ARL6IP6: variants seen among roughly 807,000 people sequenced by gnomAD.
The protein encoded by ARL6IP6 is ARF like GTPase 6 interacting protein 6.
ARL6IP6 carries 22 observed loss-of-function variants against 21.5 expected under a neutral mutation model. The observed-to-expected ratio is 1.02, with a 90% CI of 0.73 to 1.46. ARL6IP6 has a LOEUF of 1.46. Ranked by LOEUF, ARL6IP6 falls within the 40% of genes most tolerant of loss-of-function variation. ARL6IP6 has a pLI of 0.00. For synonymous variants in ARL6IP6, 164 were observed against 125.3 expected (o/e 1.31, Z -2.06); for missense variants, 388 against 299.8 (o/e 1.29, Z -2.17).
chr2:152,739,711 A>C (rs1231540337), intron 3 of ARL6IP6, among the ~76,000 whole-genome samples: 17 of 152,180 alleles, frequency 1.1e-4, no homozygotes, highest in Non-Finnish European at 1.5e-5. Context: ...ACCGGTACCA[A>C]TTTACTGTAT....
chr2:152,722,455 TTCAA>T (rs1699833231), intron 2 of ARL6IP6, among the ~76,000 whole-genome samples: 1 of 152,198 alleles, frequency 6.6e-6, no homozygotes, highest in South Asian at 2.1e-4. Context: ...AATGGGCTAA[TTCAA>T]TCAGTTTCCT....
rs1186195781 is a variant in ARL6IP6, at chr2:152,762,292, C to T, written c.*2452C>T. Among the ~76,000 whole-genome samples the T allele has an allele frequency of 1.3e-5, 2 of 152,170 alleles. No individual in the cohort carries two copies. The highest frequency in any genetic ancestry group is 2.9e-5 in the Non-Finnish European group (2 of 68,046). On this transcript the variant is annotated 3_prime_UTR_variant, in exon 4 of 4. Transcript: ENST00000326446. Reference sequence around the variant, plus strand: ...CAGTGGGAAAGAATAAGGCTGATAACGGATATTGCTAATGGCGTTACCCTG... The same window carrying T: ...CAGTGGGAAAGAATAAGGCTGATAATGGATATTGCTAATGGCGTTACCCTG...
At chr2:152,740,790 T>C (rs1270595895) in intron 3 of ARL6IP6, among the ~76,000 whole-genome samples, 1 of 152,048 alleles carries the variant, frequency 6.6e-6, no homozygotes, top group Non-Finnish European at 1.5e-5. Flanking sequence ...TGTACATGTA[T>C]ACAAATATAA....
chr2:152,751,891 A>G (rs62181163), intron 3 of ARL6IP6, among the ~76,000 whole-genome samples: 297 of 152,346 alleles, frequency 1.9e-3, no homozygotes, highest in Non-Finnish European at 2.4e-3. Flanking sequence ...GTAAATACCC[A>G]GTAGTGGAAT....
chr2:152,755,288 A>G (rs1701529665), intron 3 of ARL6IP6, among the ~76,000 whole-genome samples: 1 of 152,176 alleles, frequency 6.6e-6, no homozygotes, highest in Non-Finnish European at 1.5e-5. Flanking sequence ...GCTACTTAGC[A>G]GACCGGGAAG....
chr2:152,743,170 G>T (rs1559236893), intron 3 of ARL6IP6, among the ~76,000 whole-genome samples: 1 of 151,768 alleles, frequency 6.6e-6, no homozygotes, highest in Non-Finnish European at 1.5e-5. Context: ...GCACTCCACG[G>T]TTCACATCAC....
intron 2 of ARL6IP6, among the ~76,000 whole-genome samples, chr2:152,729,842 GA>G (rs1026634406): frequency 3.3e-5 from 5 of 152,008 alleles, no homozygotes; most frequent in African/African-American, 1.2e-4. Flanking sequence ...GAGGAAGGAA[GA>G]ATTTCATTTA....
At chr2:152,719,055 C>T (rs1699525678) in intron 1 of ARL6IP6, 31 bp downstream of exon 1, 1 of 1,494,662 alleles carries the variant, frequency 6.7e-7, no homozygotes, top group Non-Finnish European at 8.9e-7. Flanking sequence ...AAAGTCTGTC[C>T]AGAGTAAAGT....
At chr2:152,721,720 ACT>A (rs1345470411) in intron 2 of ARL6IP6, among the ~76,000 whole-genome samples, 40 of 152,204 alleles carry the variant, frequency 2.6e-4, no homozygotes, top group Non-Finnish European at 1.9e-4. Context: ...TCTTTCCTAA[ACT>A]CTCTAATCTA....
intron 1 of ARL6IP6, chr2:152,719,765 A>C (rs7594309): frequency 0.65 from 180,486 of 275,974 alleles, 58,429 homozygotes; most frequent in African/African-American, 0.76. Context: ...AAAAAAAAAA[A>C]AAAAAAAAAC....
Position 152,759,920 on chromosome 2 carries a change from C to A in ARL6IP6, c.*80C>A. The A allele has an allele frequency of 8.3e-7, 1 of 1,211,928 alleles. No individual in the cohort carries two copies. Among genetic ancestry groups the A allele is most frequent in the Non-Finnish European group, 1.2e-6 (1 of 822,926 alleles). 75.1% of individuals were successfully genotyped at this position (1,211,928 alleles called of 1,614,324 possible). A position where few individuals can be genotyped will look rare whatever the true frequency, so the allele number is the denominator to read the frequency against. ...ACAAGAAGGAGCATCACTGTCTACT[C>A]AGAAGACTGAGAAACCTGCTGTTCA... On this transcript the variant is annotated 3_prime_UTR_variant, in exon 4 of 4. Coordinates refer to ENST00000326446, the MANE Select transcript of ARL6IP6 (RefSeq NM_152522.7).
chr2:152,719,185 TG>T (rs1309967076), intron 1 of ARL6IP6, among the ~76,000 whole-genome samples, 161 bp downstream of exon 1: 1 of 152,172 alleles, frequency 6.6e-6, no homozygotes, highest in Non-Finnish European at 1.5e-5. Context: ...TCCCGCCCTT[TG>T]CCTTTTCTAA....
At chr2:152,718,048 TGTA>T (rs201702319), upstream of ARL6IP6, 65 of 993,672 alleles carry the variant, frequency 6.5e-5, 1 homozygote, top group East Asian at 5.6e-3. Context: ...GGAGGGAAGT[TGTA>T]GTACGGGTGG....
At chr2:152,739,716 C>T (rs1700720424) in intron 3 of ARL6IP6, among the ~76,000 whole-genome samples, 1 of 152,190 alleles carries the variant, frequency 6.6e-6, no homozygotes, top group Non-Finnish European at 1.5e-5. Flanking sequence ...TACCAATTTA[C>T]TGTATTAATC....
chr2:152,718,134 T>C (rs1573992490), upstream of ARL6IP6: 4 of 876,520 alleles, frequency 4.6e-6, no homozygotes, highest in Non-Finnish European at 5.5e-6. Context: ...AGAGGTGCCC[T>C]TAATGGGGGA....
upstream of ARL6IP6, chr2:152,717,731 C>T (rs762294162): frequency 1.5e-6 from 2 of 1,340,516 alleles, no homozygotes; most frequent in Non-Finnish European, 1.9e-6. Context: ...CAACAGTGTC[C>T]CAGCTTCCCG....
Position 152,749,314 on chromosome 2 carries a change from A to ACACACACAC in ARL6IP6, c.588-10433_588-10432insCACACACAC, listed in dbSNP as rs1701206001. 4.2e-3 allele frequency among the ~76,000 whole-genome samples: 629 copies of ACACACACAC among 150,232 alleles called. 4 individuals are homozygous for ACACACACAC. Among genetic ancestry groups the ACACACACAC allele is most frequent in the African/African-American group, 0.014 (589 of 40,856 alleles). The stretch of plus-strand genomic sequence containing the variant: ...TATCAAGCAGAAACACACACACAAA[A>ACACACACAC]ACACACACACACACACACACACGCA... On this transcript the variant is annotated intron_variant, in intron 3 of 3. Coordinates refer to ENST00000326446, the MANE Select transcript of ARL6IP6 (RefSeq NM_152522.7).
At chr2:152,737,727 AC>A (rs1700615180) in intron 3 of ARL6IP6, among the ~76,000 whole-genome samples, 2 of 152,062 alleles carry the variant, frequency 1.3e-5, no homozygotes, top group South Asian at 2.1e-4. Flanking sequence ...GGGGGTAACC[AC>A]CCCCATAATT....
upstream of ARL6IP6, chr2:152,717,648 G>T: frequency 1.4e-6 from 2 of 1,423,426 alleles, no homozygotes; most frequent in Non-Finnish European, 1.8e-6. Context: ...GGGGGAGGAG[G>T]AGGACGGAGG....
Sources: allele counts gnomAD v4.1 joint callset (sites outside exome capture counted in the v4.1 genomes callset), GRCh38; gene constraint gnomAD v4.1.1; transcripts MANE v1.5; gene names NCBI Gene and HGNC (gene_info 2026-07-23, HGNC 2026-07-21).